Variants in TNR observed in about 807,000 individuals in gnomAD.
TNR encodes tenascin-R.
In TNR, 45 loss-of-function variants were observed where a neutral mutation model predicts 150.4. That is an observed-to-expected ratio of 0.30 (90% confidence interval 0.24 to 0.38). TNR has a LOEUF of 0.38. TNR is among the 10% of genes least tolerant of loss of function. TNR has a pLI of 1.00. For missense variants in TNR, 1,544 were observed against 1,759.1 expected, an observed-to-expected ratio of 0.88 and a Z score of 2.19; for synonymous variants, 687 against 678.4, an observed-to-expected ratio of 1.01 and a Z score of -0.20.
chr1:175,461,554 GA>G (rs1426543296), intron 2 of TNR, among the ~76,000 whole-genome samples: 1 of 152,174 alleles, frequency 6.6e-6, no homozygotes, highest in Non-Finnish European at 1.5e-5. Context: ...TGAAAGAACA[GA>G]AAACGAAATC....
intron 1 of TNR, among the ~76,000 whole-genome samples, chr1:175,704,479 A>G (rs946178181): frequency 2.6e-5 from 4 of 152,200 alleles, no homozygotes; most frequent in African/African-American, 9.6e-5. Context: ...AAACAAAATT[A>G]GGTAGATATT....
intron 1 of TNR, among the ~76,000 whole-genome samples, chr1:175,701,862 T>A (rs537594513): frequency 6.6e-6 from 1 of 152,258 alleles, no homozygotes; most frequent in South Asian, 2.1e-4. Flanking sequence ...CCCAGGTAAT[T>A]TGCATGCACA....
intron 2 of TNR, among the ~76,000 whole-genome samples, chr1:175,428,644 A>G (rs541830414): frequency 6.6e-6 from 1 of 152,338 alleles, no homozygotes; most frequent in East Asian, 1.9e-4. Flanking sequence ...AGCACCTACC[A>G]GGCATAATAT....
intron 4 of TNR, among the ~76,000 whole-genome samples, chr1:175,400,338 G>A (rs1336780098): frequency 6.6e-6 from 1 of 152,120 alleles, no homozygotes; most frequent in African/African-American, 2.4e-5. Context: ...TTCTTACTCC[G>A]CCATTAATTA....
At chr1:175,608,695 G>GA (rs1342704444) in intron 1 of TNR, among the ~76,000 whole-genome samples, 1 of 152,102 alleles carries the variant, frequency 6.6e-6, no homozygotes, top group Non-Finnish European at 1.5e-5. Context: ...ACACTTAACA[G>GA]AAAAAAATGG....
chr1:175,365,326 G>A, intron 11 of TNR, 47 bp from the exon 12 acceptor site: 1 of 1,543,934 alleles, frequency 6.5e-7, no homozygotes. Flanking sequence ...TGAGGAGATG[G>A]GTCACTGGGC....
chr1:175,469,024 G>T (rs1657158360), intron 2 of TNR, among the ~76,000 whole-genome samples: 1 of 152,178 alleles, frequency 6.6e-6, no homozygotes, highest in African/African-American at 2.4e-5. Context: ...AGGCCTGAGG[G>T]AGGAGTCAAA....
chr1:175,556,330 G>A (rs1661159221), intron 1 of TNR, among the ~76,000 whole-genome samples: 1 of 152,220 alleles, frequency 6.6e-6, no homozygotes. Flanking sequence ...TAATGTCCAT[G>A]AAGGACAAAG....
intron 1 of TNR, among the ~76,000 whole-genome samples, chr1:175,547,597 GAA>G (rs1241386727): frequency 4.1e-5 from 1 of 24,316 alleles, no homozygotes; most frequent in South Asian, 1.3e-3. Flanking sequence ...AAGAAAGAAA[GAA>G]AGAAAGAAAG....
At chr1:175,568,426 G>C (rs2205835) in intron 1 of TNR, among the ~76,000 whole-genome samples, 101,691 of 151,960 alleles carry the variant, frequency 0.67, 35,820 homozygotes, top group African/African-American at 0.91. Flanking sequence ...AATTTGTCCT[G>C]TTAATAGCTC....
intron 2 of TNR, among the ~76,000 whole-genome samples, chr1:175,490,610 T>C (rs1259423188): frequency 1.3e-5 from 2 of 152,046 alleles, no homozygotes; most frequent in Non-Finnish European, 2.9e-5. Context: ...CCAAAAAACA[T>C]ATGAAGAAAA....
Position 175,574,867 on chromosome 1 carries a change from G to A in TNR, c.-164-46498C>T, listed in dbSNP as rs544672805. 7.4e-4 allele frequency among the ~76,000 whole-genome samples: 112 copies of A among 152,288 alleles called. 1 individual carries two copies. The highest frequency in any genetic ancestry group is 1.3e-3 in the Non-Finnish European group (91 of 68,028). On this transcript the variant is annotated intron_variant, in intron 1 of 22. Transcript: ENST00000367674. The stretch of plus-strand genomic sequence containing the variant: ...GCTCCGTTCTGCATGAAGATAAAGG[G>A]TCAGAAAAAGTTGACTATCAGCCTA...
At chr1:175,657,273 C>T (rs138178885) in intron 1 of TNR, among the ~76,000 whole-genome samples, 4 of 152,158 alleles carry the variant, frequency 2.6e-5, no homozygotes, top group Admixed American at 6.5e-5. Context: ...GGGAACAACA[C>T]GTGCTGGCGA....
intron 21 of TNR, among the ~76,000 whole-genome samples, chr1:175,325,882 G>A (rs933841747): frequency 2.7e-5 from 4 of 150,190 alleles, no homozygotes; most frequent in African/African-American, 7.4e-5. Flanking sequence ...GTGGGGGTAG[G>A]GGGGAGGGAT....
At position 175,678,317 on chromosome 1, in the gene TNR, G is replaced by A. The variant is rs181442370; in HGVS notation, c.-165+64909C>T. 3.9e-3 allele frequency among the ~76,000 whole-genome samples: 595 copies of A among 152,264 alleles called. 4 individuals carry two copies. Among genetic ancestry groups the A allele is most frequent in the African/African-American group, 0.013 (547 of 41,530 alleles). ...GGTAGAGGGGGCACGTGTTAAACAC[G>A]CAGGTTCCCTTGCCCTACCCTGTAC... On this transcript the variant is annotated intron_variant, in intron 1 of 22. Transcript: ENST00000367674.
At chr1:175,518,739 C>T (rs1011433903) in intron 2 of TNR, among the ~76,000 whole-genome samples, 10 of 152,166 alleles carry the variant, frequency 6.6e-5, no homozygotes, top group Admixed American at 5.2e-4. Flanking sequence ...ACTCCATTAT[C>T]TTTCACATAG....
chr1:175,557,949 A>G, intron 1 of TNR, among the ~76,000 whole-genome samples: 1 of 104,854 alleles, frequency 9.5e-6, no homozygotes, highest in East Asian at 2.8e-4. Flanking sequence ...GCCATAAAAA[A>G]TGATGAGTTC....
chr1:175,703,012 C>T (rs531164587), intron 1 of TNR, among the ~76,000 whole-genome samples: 64 of 150,186 alleles, frequency 4.3e-4, no homozygotes, highest in African/African-American at 1.2e-3. Context: ...CACCATATTT[C>T]GACATTCCAT....
intron 1 of TNR, among the ~76,000 whole-genome samples, chr1:175,715,981 C>A (rs1202457972): frequency 2.0e-5 from 3 of 152,204 alleles, no homozygotes; most frequent in African/African-American, 7.2e-5. Context: ...CTCAGCTGAT[C>A]AATTTCCGAG....
Sources: allele counts gnomAD v4.1 joint callset (sites outside exome capture counted in the v4.1 genomes callset), GRCh38; gene constraint gnomAD v4.1.1; transcripts MANE v1.5; gene names NCBI Gene and HGNC (gene_info 2026-07-23, HGNC 2026-07-21).